Variants in GRID2IP observed in about 807,000 individuals in gnomAD.
GRID2IP encodes the protein delphilin.
A neutral mutation model predicts 114.3 loss-of-function variants in GRID2IP; 78 were observed. The observed-to-expected ratio is 0.68, with a 90% CI of 0.57 to 0.82. The LOEUF (loss-of-function observed/expected upper bound fraction) is 0.82, where lower values mean the gene tolerates loss of function less well. Ranked by LOEUF, GRID2IP falls within the 40% of genes least tolerant of loss-of-function variation. The pLI is 0.00. For missense variants in GRID2IP, 1,727 were observed against 1,678.5 expected, an observed-to-expected ratio of 1.03 and a Z score of -0.51; for synonymous variants, 809 against 724.0, an observed-to-expected ratio of 1.12 and a Z score of -1.89.
intron 1 of GRID2IP, among the ~76,000 whole-genome samples, chr7:6,546,039 G>A (rs1167336117): frequency 6.6e-6 from 1 of 152,002 alleles, no homozygotes; most frequent in Non-Finnish European, 1.5e-5. Flanking sequence ...GATGTTCTCA[G>A]CCTACATCTA....
intron 1 of GRID2IP, among the ~76,000 whole-genome samples, chr7:6,543,525 C>A (rs1325946604): frequency 6.6e-6 from 1 of 152,112 alleles, no homozygotes; most frequent in Non-Finnish European, 1.5e-5. Context: ...AAGATCATCT[C>A]ATCAGGCAGC....
chr7:6,525,052 TC>T (rs1047021215), intron 4 of GRID2IP, among the ~76,000 whole-genome samples: 7 of 151,976 alleles, frequency 4.6e-5, no homozygotes, highest in African/African-American at 1.7e-4. Context: ...TGCCTGTAAT[TC>T]CAGAACTTTA....
At chr7:6,548,342 T>C (rs1342530418) in intron 1 of GRID2IP, among the ~76,000 whole-genome samples, 1 of 151,824 alleles carries the variant, frequency 6.6e-6, no homozygotes, top group East Asian at 1.9e-4. Flanking sequence ...AGAGCGAGAC[T>C]CTGGCTCCAA....
chr7:6,501,944 C>A, intron 19 of GRID2IP, 45 bp from the exon 20 acceptor site: 1 of 1,550,872 alleles, frequency 6.4e-7, no homozygotes, highest in Non-Finnish European at 8.7e-7. Flanking sequence ...CTCTCCCAGC[C>A]CAGGACAGCA....
At position 6,526,740 on chromosome 7, in the gene GRID2IP, C is replaced by A; in HGVS notation, c.614G>T (p.Arg205Leu). The A allele has an allele frequency of 6.6e-7, 1 of 1,524,366 alleles. No homozygotes were observed. Among genetic ancestry groups the A allele is most frequent in the Non-Finnish European group, 8.8e-7 (1 of 1,136,038 alleles). 94.4% of individuals were successfully genotyped at this position (1,524,366 alleles called of 1,614,324 possible). The change falls in exon 3 of 22, where the codon CGC (arginine) becomes CTC (leucine). Residue 205 changes from arginine to leucine, a missense_variant. Transcript: ENST00000457091. The surrounding 1 kb of genome is among the most constrained non-coding windows in gnomAD (Gnocchi z 7.6). ...RIFIPKKHRA[R>L]FDEVVSQGLL... The stretch of plus-strand genomic sequence containing the variant: ...GCCCTGAGACACCACCTCGTCGAAG[C>A]GCGCCCGGTGCTTCTTGGGGATGAA...
chr7:6,514,624 C>T (rs566742458), intron 7 of GRID2IP, 95 bp from the exon 8 acceptor site: 7 of 1,160,224 alleles, frequency 6.0e-6, no homozygotes, highest in Middle Eastern at 2.1e-4. Context: ...CAAGCCACAG[C>T]GTCTGCCCTC....
At chr7:6,522,060 C>T (rs1345055140) in intron 4 of GRID2IP, 103 bp from the exon 5 acceptor site, 2 of 921,006 alleles carry the variant, frequency 2.2e-6, no homozygotes, top group African/African-American at 3.3e-5. Context: ...ACTCAGAGAC[C>T]CATAGCTTGC....
At position 6,509,378 on chromosome 7, in the gene GRID2IP, G is replaced by C; in HGVS notation, c.1772-65C>G. 1.4e-6 allele frequency: 2 copies of C among 1,393,994 alleles called. No individual in the cohort carries two copies. The highest frequency in any genetic ancestry group is 1.5e-5 in the African/African-American group (1 of 68,616). 86.4% of individuals were successfully genotyped at this position (1,393,994 alleles called of 1,614,324 possible). A position where few individuals can be genotyped will look rare whatever the true frequency, so the allele number is the denominator to read the frequency against. On this transcript the variant is annotated intron_variant, in intron 11 of 21. Coordinates refer to ENST00000457091, the MANE Select transcript of GRID2IP (RefSeq NM_001145118.2). The surrounding 1 kb of genome is among the most constrained non-coding windows in gnomAD (Gnocchi z 4.9). ...GCACCGAGGTTCCAGGTGCAAGCTG[G>C]AGAGAGGGTCCTAGGACAGACTGGC...
Position 6,502,791 on chromosome 7 carries a change from T to C in GRID2IP, c.3145A>G (p.Thr1049Ala). Residue 1049 changes from threonine (T) to alanine (A), a missense_variant, in exon 18 of 22, where the codon ACA becomes GCA. Coordinates refer to ENST00000457091, the MANE Select transcript of GRID2IP (RefSeq NM_001145118.2). The stretch of plus-strand genomic sequence containing the variant: ...CTGCCGGCAGGTCCCCTCACCTCTG[T>C]CAGAAAGTTGATCTTGAAGCCCGTA... ...KTTGFKINFL[T>A]ELNSTKTVDG... is the part of the protein sequence containing the mutation. The C allele has an allele frequency of 1.3e-6, 2 of 1,551,336 alleles. No homozygotes were observed. The highest frequency in any genetic ancestry group is 1.7e-6 in the Non-Finnish European group (2 of 1,146,564).
At chr7:6,513,747 G>A (rs1405348425) in intron 8 of GRID2IP, among the ~76,000 whole-genome samples, 1 of 152,200 alleles carries the variant, frequency 6.6e-6, no homozygotes, top group Non-Finnish European at 1.5e-5. Context: ...GTGCATGGCT[G>A]TGGACACTTC....
chr7:6,551,242 G>T lies in GRID2IP; in HGVS notation c.195C>A (p.Leu65=), dbSNP rs1310899786. ...GTGGGCAGCGCCGTGCCAGGCGCAC[G>T]AGGCGCTCGCGGCTCAGACCGCCCA... ...LAVGGLSRER[L]VRLARRCPRV... Residue 65 remains leucine, a synonymous_variant, in exon 1 of 22, where the codon CTC becomes CTA. Transcript: ENST00000457091. 2.0e-6 allele frequency: 3 copies of T among 1,530,828 alleles called. No individual in the cohort carries two copies. The highest frequency in any genetic ancestry group is 2.6e-6 in the Non-Finnish European group (3 of 1,144,168). The allele number at this position is 1,530,828 out of a possible 1,614,324, so 94.8% of individuals were successfully genotyped here.
chr7:6,534,008 G>A lies in GRID2IP; in HGVS notation c.584+5710C>T, dbSNP rs529632008. Among the ~76,000 whole-genome samples, 4 of 152,166 alleles carry A rather than the reference G, an allele frequency of 2.6e-5. No homozygotes were observed. In the East Asian group the frequency reaches 5.8e-4, roughly 22 times the overall value. ...TGGCACTGAAGCAGAAGAGGGTGAC[G>A]GGGTGCAGATAGTCCCTCACAGGCC... On this transcript the variant is annotated intron_variant, in intron 2 of 21. Transcript: ENST00000457091. This position sits in a 1 kb window ranked among gnomAD's most constrained non-coding sequence, Gnocchi z 4.5.
intron 20 of GRID2IP, among the ~76,000 whole-genome samples, chr7:6,499,829 A>C (rs1445773849): frequency 6.6e-6 from 1 of 152,142 alleles, no homozygotes; most frequent in Non-Finnish European, 1.5e-5. Context: ...TCCTAGGCTC[A>C]AGTGATCCTC....
chr7:6,503,663 A>C lies in GRID2IP; in HGVS notation c.2735T>G (p.Leu912Arg). The C allele has an allele frequency of 6.6e-6, 10 of 1,509,632 alleles. No individual in the cohort carries two copies. The highest frequency in any genetic ancestry group is 8.8e-6 in the Non-Finnish European group (10 of 1,136,002). 93.5% of individuals were successfully genotyped at this position (1,509,632 alleles called of 1,614,324 possible). A position where few individuals can be genotyped will look rare whatever the true frequency, so the allele number is the denominator to read the frequency against. Residue 912 changes from leucine to arginine, a missense_variant, in exon 16 of 22, where the codon CTG becomes CGG. Coordinates refer to ENST00000457091, the MANE Select transcript of GRID2IP (RefSeq NM_001145118.2). Reference sequence around the variant, plus strand: ...CACCTGGCGCAGCTCCGCGGGGCTCAGCTTCAGGTGTGCCAAGAGGATGGC... The same window carrying C: ...CACCTGGCGCAGCTCCGCGGGGCTCCGCTTCAGGTGTGCCAAGAGGATGGC... ...NTSILLAHLK[L>R]SPAELRQVLM...
chr7:6,543,790 T>A (rs557817514), intron 1 of GRID2IP, among the ~76,000 whole-genome samples: 186 of 151,560 alleles, frequency 1.2e-3, no homozygotes, highest in South Asian at 3.5e-3. Flanking sequence ...AATTTAATTT[T>A]ATTATTATTA....
rs572050597 is a variant in GRID2IP at position 6,534,685 on chromosome 7, T to A, written c.584+5033A>T. ...AGTGAGACTGAGAAGCTGAACTTTA[T>A]ATTTTATCAAATATTAATTACATTT... On this transcript the variant is annotated intron_variant, in intron 2 of 21. Coordinates refer to ENST00000457091, the MANE Select transcript of GRID2IP (RefSeq NM_001145118.2). This position sits in a 1 kb window ranked among gnomAD's most constrained non-coding sequence, Gnocchi z 4.5. Among the ~76,000 whole-genome samples, 17 of 152,308 alleles carry A rather than the reference T, an allele frequency of 1.1e-4. No individual in the cohort carries two copies. The highest frequency in any genetic ancestry group is 3.4e-3 in the Middle Eastern group (1 of 294).
chr7:6,507,392 A>G lies in GRID2IP; in HGVS notation c.2544+593T>C, dbSNP rs1003029264. Among the ~76,000 whole-genome samples the G allele has an allele frequency of 5.3e-5, 8 of 151,244 alleles. No homozygotes were observed. The highest frequency in any genetic ancestry group is 9.7e-5 in the African/African-American group (4 of 41,250). On this transcript the variant is annotated intron_variant, in intron 13 of 21. Transcript: ENST00000457091. The surrounding 1 kb of genome is among the most constrained non-coding windows in gnomAD (Gnocchi z 5.3). ...AGAGAATGATCTGAAAAAAAAAAAA[A>G]GGGGTGGGGTGAACCTTGTTCATCT... is the stretch of plus-strand genomic sequence containing the variant.
chr7:6,497,571 C>A lies in GRID2IP; in HGVS notation c.*203G>T. ...GCACACTCAGCACCTGCTCCTACAG[C>A]ATCTGGCTCTGGGCCTGGGGGTAGG... On this transcript the variant is annotated 3_prime_UTR_variant, in exon 22 of 22. Transcript: ENST00000457091. The A allele has an allele frequency of 1.9e-6, 1 of 513,966 alleles. No individual in the cohort carries two copies. The highest frequency in any genetic ancestry group is 3.5e-6 in the Non-Finnish European group (1 of 288,874). The allele number at this position is 513,966 out of a possible 1,614,324, so 31.8% of individuals were successfully genotyped here.
At position 6,526,917 on chromosome 7, in the gene GRID2IP, C is replaced by A; in HGVS notation, c.585-148G>T. On this transcript the variant is annotated intron_variant, in intron 2 of 21. Coordinates refer to ENST00000457091, the MANE Select transcript of GRID2IP (RefSeq NM_001145118.2). The surrounding 1 kb of genome is among the most constrained non-coding windows in gnomAD (Gnocchi z 7.6). ...GGAGGGCTGGGGGGATCGGGATGAG[C>A]AGCCGGTAGCACCCCAGTCTCCCCC... 1.1e-6 allele frequency: 1 copy of A among 903,266 alleles called. No individual in the cohort carries two copies. The highest frequency in any genetic ancestry group is 2.0e-5 in the South Asian group (1 of 50,008). The allele number at this position is 903,266 out of a possible 1,614,324, so 56.0% of individuals were successfully genotyped here. A position where few individuals can be genotyped will look rare whatever the true frequency, so the allele number is the denominator to read the frequency against.
Sources: allele counts gnomAD v4.1 joint callset (sites outside exome capture counted in the v4.1 genomes callset), GRCh38; gene constraint gnomAD v4.1.1; non-coding constraint Gnocchi (gnomAD v3.1); transcripts MANE v1.5; gene names NCBI Gene and HGNC (gene_info 2026-07-23, HGNC 2026-07-21).